Variants in IGF2R observed in about 807,000 individuals in gnomAD.
The protein encoded by IGF2R is insulin like growth factor 2 receptor.
IGF2R carries 91 observed loss-of-function variants against 270.6 expected under a neutral mutation model. The observed-to-expected ratio is 0.34, with a 90% CI of 0.28 to 0.40. The LOEUF is 0.40. Ranked by LOEUF, IGF2R falls within the 10% of genes least tolerant of loss-of-function variation. The pLI is 1.00. For missense variants in IGF2R, 2,805 were observed against 3,188.3 expected (o/e 0.88, Z 2.90); for synonymous variants, 1,316 against 1,258.9 (o/e 1.05, Z -0.96).
At chr6:160,027,163 T>A (rs1777578967) in intron 5 of IGF2R, 22 bp from the exon 6 acceptor site, 2 of 1,613,866 alleles carry the variant, frequency 1.2e-6, no homozygotes, top group African/African-American at 2.7e-5. Context: ...TAATCTGATT[T>A]AATGTAATAC....
chr6:160,064,458 G>A lies in IGF2R; in HGVS notation c.3944G>A (p.Gly1315Glu), dbSNP rs8191859. 559 of 1,614,076 alleles carry A rather than the reference G, an allele frequency of 3.5e-4. 3 individuals are homozygous for A. The East Asian group carries it at 8.7e-3, about 25-fold the overall frequency. ...ENGLLKMNFTGGDTCHKVYQR... is the reference protein window; with the variant it reads ...ENGLLKMNFTEGDTCHKVYQR... ...GGCTTGTTAAAAATGAACTTCACGG[G>A]GGGGGACACTTGCCATAAGGTTTAT... The change falls in exon 28 of 48, where the codon GGG (glycine) becomes GAG (glutamate). Residue 1315 changes from glycine (G) to glutamate (E), a missense_variant. Around this residue, in one of 2 missense-constraint regions of IGF2R, gnomAD observed 1,851 missense variants for 2,207.2 expected, o/e 0.84. Transcript: ENST00000356956.
intron 4 of IGF2R, among the ~76,000 whole-genome samples, chr6:160,017,614 A>T (rs1583262176): frequency 6.6e-6 from 1 of 152,210 alleles, no homozygotes; most frequent in Admixed American, 6.5e-5. Flanking sequence ...CGAGAAAAGT[A>T]TCTAATCACC....
chr6:159,986,299 T>G (rs1407598281), intron 1 of IGF2R, among the ~76,000 whole-genome samples: 1 of 151,160 alleles, frequency 6.6e-6, no homozygotes, highest in Non-Finnish European at 1.5e-5. Context: ...TGGTGCGATC[T>G]CGGCTCACTG....
Position 160,027,236 on chromosome 6 carries a change from C to T in IGF2R, c.698C>T (p.Ala233Val). 1 of 1,614,242 alleles carries T rather than the reference C, an allele frequency of 6.2e-7. No homozygotes were observed. The highest frequency in any genetic ancestry group is 1.7e-4 in the Middle Eastern group (1 of 6,058). ...SQLRACPPGTAACLVRGHQAF... is the reference protein window; with the variant it reads ...SQLRACPPGTVACLVRGHQAF... ...CTGCGGGCCTGTCCCCCCGGCACTG[C>T]CGCCTGCCTGGTAAGAGGACACCAG... Residue 233 changes from alanine (A) to valine (V), a missense_variant, in exon 6 of 48, where the codon GCC (alanine) becomes GTC (valine). Around this residue, in one of 2 missense-constraint regions of IGF2R, gnomAD observed 954 missense variants for 981.1 expected, o/e 0.97. Transcript: ENST00000356956.
At chr6:160,065,814 G>GTGTGTGTGTGTATATA in intron 29 of IGF2R, among the ~76,000 whole-genome samples, 11 of 78,384 alleles carry the variant, frequency 1.4e-4, no homozygotes, top group African/African-American at 3.9e-4. Flanking sequence ...GTGTGTGTGT[G>GTGTGTGTGTGTATATA]TATATATATA....
chr6:160,091,695 A>G (rs185166024), intron 44 of IGF2R, among the ~76,000 whole-genome samples: 1 of 152,306 alleles, frequency 6.6e-6, no homozygotes, highest in Admixed American at 6.5e-5. Context: ...AGTCATTCAG[A>G]ATCAGATGTT....
At chr6:160,057,933 C>G (rs1053606316) in intron 20 of IGF2R, 90 bp from the exon 21 acceptor site, 1 of 756,800 alleles carries the variant, frequency 1.3e-6, no homozygotes, top group Non-Finnish European at 2.4e-6. Flanking sequence ...CAGGTGCATA[C>G]TTGCAGGTTT....
chr6:160,081,330 G>A (rs576091720), intron 39 of IGF2R, among the ~76,000 whole-genome samples: 2 of 152,152 alleles, frequency 1.3e-5, no homozygotes, highest in Admixed American at 6.5e-5. Context: ...TGATGCCCCC[G>A]AGCCGCAAAA....
chr6:160,091,402 C>T (rs541252550), intron 44 of IGF2R, among the ~76,000 whole-genome samples: 16 of 149,260 alleles, frequency 1.1e-4, no homozygotes, highest in African/African-American at 3.5e-4. Flanking sequence ...GCAGGTGCTC[C>T]GTGCCCTGGT....
At chr6:159,972,382 T>G (rs577791839) in intron 1 of IGF2R, among the ~76,000 whole-genome samples, 66 of 152,336 alleles carry the variant, frequency 4.3e-4, no homozygotes, top group African/African-American at 1.6e-3. Context: ...TGTTTTTCCA[T>G]TGATAGTATT....
At chr6:160,057,168 C>T (rs530501508) in intron 20 of IGF2R, among the ~76,000 whole-genome samples, 66 of 152,306 alleles carry the variant, frequency 4.3e-4, no homozygotes, top group African/African-American at 1.5e-3. Flanking sequence ...TAGTGCAGAG[C>T]CCACAGGTGT....
intron 29 of IGF2R, among the ~76,000 whole-genome samples, chr6:160,065,802 GTGTGTGTGTGTGTATATATATATATA>G (rs1207030791): frequency 1.6e-5 from 1 of 61,702 alleles, no homozygotes; most frequent in African/African-American, 7.6e-5. Context: ...GTGTGTGTGT[GTGTGTGTGTGTGTATATATATATATA>G]TATATATATA....
In IGF2R at chr6:160,080,271, A is replaced by G. The variant is rs1243926223; in HGVS notation, c.5829A>G (p.Arg1943=). The change falls in exon 39 of 48, where the codon AGA becomes AGG. Residue 1943 remains arginine (R), a synonymous_variant. Transcript: ENST00000356956. ...GAGACCACGAGTGGGGCTTCTGCAG[A>G]CACTGTGAGTAGGACGGCTCCGCGT... ...YDRDHEWGFC[R]HSNSYRTSSI... is the part of the protein sequence containing the mutation. The G allele has an allele frequency of 1.9e-6, 3 of 1,613,880 alleles. No homozygotes were observed. The highest frequency in any genetic ancestry group is 1.7e-6 in the Non-Finnish European group (2 of 1,179,942).
chr6:160,098,593 C>T (rs569128356), intron 45 of IGF2R, among the ~76,000 whole-genome samples: 5 of 152,096 alleles, frequency 3.3e-5, no homozygotes, highest in East Asian at 3.9e-4. Flanking sequence ...CTAAGGTGGG[C>T]GGATCACTTG....
intron 39 of IGF2R, 69 bp from the exon 40 acceptor site, chr6:160,083,881 T>C: frequency 4.7e-6 from 5 of 1,073,586 alleles, no homozygotes; most frequent in Non-Finnish European, 7.2e-6. Flanking sequence ...ATGGAGTCTC[T>C]TATGTCTTCC....
rs544781607 is a variant in IGF2R, at chr6:160,097,561, C to T, written c.6842+936C>T. ...ACCAGGCTGGTCTTGAACTCCTCAC[C>T]TCAGATAATCTGCCTGCCTTGGCCT... On this transcript the variant is annotated intron_variant, in intron 45 of 47. Coordinates refer to ENST00000356956, the MANE Select transcript of IGF2R (RefSeq NM_000876.4). Among the ~76,000 whole-genome samples the T allele has an allele frequency of 1.6e-3, 242 of 152,294 alleles. 1 individual carries two copies. The highest frequency in any genetic ancestry group is 5.6e-3 in the African/African-American group (234 of 41,546).
At chr6:160,079,195 G>A (rs375455099) in intron 37 of IGF2R, among the ~76,000 whole-genome samples, 5 of 152,314 alleles carry the variant, frequency 3.3e-5, no homozygotes, top group African/African-American at 1.2e-4. Flanking sequence ...ATGCTTCAGC[G>A]TGCAGCGTCG....
chr6:160,076,139 C>A (rs1778851163), intron 36 of IGF2R, 143 bp downstream of exon 36: 1 of 787,114 alleles, frequency 1.3e-6, no homozygotes, highest in Non-Finnish European at 2.1e-6. Flanking sequence ...AGTAGTGTGT[C>A]TGAATAATTT....
chr6:160,050,737 C>A lies in IGF2R; in HGVS notation c.2694+85C>A. 7.9e-7 allele frequency: 1 copy of A among 1,272,734 alleles called. No individual in the cohort carries two copies. The highest frequency in any genetic ancestry group is 1.1e-6 in the Non-Finnish European group (1 of 926,646). 78.8% of individuals were successfully genotyped at this position (1,272,734 alleles called of 1,614,324 possible). A position where few individuals can be genotyped will look rare whatever the true frequency, so the allele number is the denominator to read the frequency against. On this transcript the variant is annotated intron_variant, in intron 19 of 47. Coordinates refer to ENST00000356956, the MANE Select transcript of IGF2R (RefSeq NM_000876.4). The surrounding 1 kb of genome is among the most constrained non-coding windows in gnomAD (Gnocchi z 4.0). ...TTATGTGTCTCTTAACAGCAGCAGT[C>A]TTGGGGTGGGTGGCGGAGCTAGGCC... is the stretch of plus-strand genomic sequence containing the variant.
Sources: gnomAD v4.1 joint callset for allele counts (sites outside exome capture counted in the v4.1 genomes callset) on GRCh38, gnomAD v4.1.1 for gene constraint, gnomAD v4.1.1 regional missense constraint, Gnocchi (gnomAD v3.1) non-coding constraint, MANE v1.5 for transcripts, NCBI Gene and HGNC (gene_info 2026-07-23, HGNC 2026-07-21) for gene names.